SLC25A21: variants seen among roughly 807,000 people sequenced by gnomAD.
SLC25A21 encodes mitochondrial 2-oxodicarboxylate carrier.
Under a neutral mutation model 43.8 loss-of-function variants are expected in SLC25A21, and 47 were observed. The ratio of observed to expected loss-of-function variants is 1.07; its 90% CI spans 0.85 to 1.37. The LOEUF is 1.37. Ranked by LOEUF, SLC25A21 falls within the 40% of genes most tolerant of loss-of-function variation. The pLI is 0.00. For missense variants in SLC25A21, 352 were observed against 350.2 expected, an observed-to-expected ratio of 1.00 and a Z score of -0.04; for synonymous variants, 131 against 121.3, an observed-to-expected ratio of 1.08 and a Z score of -0.52.
At chr14:37,153,199 G>A (rs891839406) in intron 1 of SLC25A21, among the ~76,000 whole-genome samples, 1 of 152,188 alleles carries the variant, frequency 6.6e-6, no homozygotes, top group Admixed American at 6.5e-5. Context: ...GCTCCAGGGA[G>A]GGAGCTCCCA....
chr14:37,017,633 AAACGCAGTATCTGCGAAGTGC>A (rs749371846), intron 1 of SLC25A21, among the ~76,000 whole-genome samples: 1 of 152,144 alleles, frequency 6.6e-6, no homozygotes, highest in Non-Finnish European at 1.5e-5. Flanking sequence ...ATTAGTAAAA[AAACGCAGTATCTGCGAAGTGC>A]AATAATAAAA....
chr14:37,030,888 A>G (rs1961196585), intron 1 of SLC25A21, among the ~76,000 whole-genome samples: 2 of 152,186 alleles, frequency 1.3e-5, no homozygotes, highest in East Asian at 3.9e-4. Context: ...CAGGTGGCCC[A>G]AGGAATCAAC....
At chr14:36,877,147 A>T (rs1890558430) in intron 1 of SLC25A21, among the ~76,000 whole-genome samples, 2 of 152,134 alleles carry the variant, frequency 1.3e-5, no homozygotes, top group South Asian at 4.1e-4. Context: ...GAATCAGTTT[A>T]CCAAAGCAAG....
chr14:36,889,368 T>C (rs1399252955), intron 1 of SLC25A21, among the ~76,000 whole-genome samples: 7 of 152,228 alleles, frequency 4.6e-5, no homozygotes, highest in Admixed American at 2.0e-4. Context: ...AATATTTGGA[T>C]ACCAAAGTAT....
At chr14:36,838,771 C>T (rs1379205397) in intron 2 of SLC25A21, among the ~76,000 whole-genome samples, 3 of 152,192 alleles carry the variant, frequency 2.0e-5, no homozygotes, top group Non-Finnish European at 4.4e-5. Flanking sequence ...TGATGCTTCC[C>T]TTTACAGTTA....
intron 7 of SLC25A21, among the ~76,000 whole-genome samples, chr14:36,707,351 T>C (rs1311804115): frequency 1.3e-5 from 2 of 152,208 alleles, no homozygotes; most frequent in African/African-American, 4.8e-5. Flanking sequence ...CAGCTTCTCA[T>C]TATTGCATCT....
chr14:37,037,199 G>A (rs1336740890), intron 1 of SLC25A21, among the ~76,000 whole-genome samples: 1 of 152,136 alleles, frequency 6.6e-6, no homozygotes, highest in East Asian at 1.9e-4. Flanking sequence ...ACTAAGAGAT[G>A]AGTCATTGTA....
chr14:37,092,548 G>T (rs1455763113), intron 1 of SLC25A21, among the ~76,000 whole-genome samples: 2 of 152,092 alleles, frequency 1.3e-5, no homozygotes, highest in Non-Finnish European at 2.9e-5. Flanking sequence ...CTAAGCCACA[G>T]GGATTTCTTT....
chr14:37,029,058 C>A (rs1276233428), intron 1 of SLC25A21, among the ~76,000 whole-genome samples: 2 of 152,128 alleles, frequency 1.3e-5, no homozygotes, highest in African/African-American at 2.4e-5. Context: ...CAATATGTTT[C>A]CACATTATGA....
intron 1 of SLC25A21, among the ~76,000 whole-genome samples, chr14:37,021,312 A>C (rs41512348): frequency 0.019 from 2,893 of 152,062 alleles, 77 homozygotes; most frequent in East Asian, 0.072. Context: ...CAAACCAAAC[A>C]AATGACAACC....
At chr14:36,835,903 G>A (rs1889192998) in intron 2 of SLC25A21, among the ~76,000 whole-genome samples, 1 of 152,082 alleles carries the variant, frequency 6.6e-6, no homozygotes, top group African/African-American at 2.4e-5. Flanking sequence ...ACTCACCATT[G>A]TCTTCCTTCA....
chr14:37,064,280 A>G (rs2138816210), intron 1 of SLC25A21, among the ~76,000 whole-genome samples: 1 of 152,214 alleles, frequency 6.6e-6, no homozygotes, highest in South Asian at 2.1e-4. Flanking sequence ...TGAGAGTCAG[A>G]CCATTGGCTT....
intron 1 of SLC25A21, among the ~76,000 whole-genome samples, chr14:37,025,694 C>A (rs8007409): frequency 0.05 from 7,556 of 152,110 alleles, 600 homozygotes; most frequent in African/African-American, 0.17. Flanking sequence ...CCTACTCACT[C>A]GTGTAGGGCA....
At position 36,680,026 on chromosome 14, in the gene SLC25A21, A is replaced by ATAAAG. The variant is rs1882143743; in HGVS notation, c.*627_*631dup. 6 of 867,858 alleles carry ATAAAG rather than the reference A, an allele frequency of 6.9e-6. No individual in the cohort carries two copies. Among genetic ancestry groups the ATAAAG allele is most frequent in the South Asian group, 1.1e-4 (2 of 18,490 alleles). The allele number at this position is 867,858 out of a possible 1,614,324, so 53.8% of individuals were successfully genotyped here. A position where few individuals can be genotyped will look rare whatever the true frequency, so the allele number is the denominator to read the frequency against. On this transcript the variant is annotated 3_prime_UTR_variant, in exon 10 of 10. Coordinates refer to ENST00000331299, the MANE Select transcript of SLC25A21 (RefSeq NM_030631.4). ...TTATTATCTTACAGCAATATGAGAT[A>ATAAAG]TAAAGTAGATGTAGGAAAATAGAGC...
chr14:36,773,293 A>AT (rs920252047), intron 3 of SLC25A21, among the ~76,000 whole-genome samples: 2 of 152,110 alleles, frequency 1.3e-5, no homozygotes, highest in Non-Finnish European at 2.9e-5. Context: ...CTCTGCTGTG[A>AT]TAAGGGCCTG....
chr14:36,978,717 GT>G lies in SLC25A21; in HGVS notation c.71-103714del, dbSNP rs1959939933. ...ATAATTACTTAACTTGGAGGATTTT[GT>G]TTTGCATATTGTATACCATTTAGAC... On this transcript the variant is annotated intron_variant, in intron 1 of 9. Transcript: ENST00000331299. Among the ~76,000 whole-genome samples, 3 of 152,162 alleles carry G rather than the reference GT, an allele frequency of 2.0e-5. No individual in the cohort carries two copies. In the South Asian group the frequency reaches 6.2e-4, roughly 31 times the overall value.
intron 3 of SLC25A21, 57 bp downstream of exon 3, chr14:36,813,861 T>G: frequency 1.6e-6 from 2 of 1,258,426 alleles, no homozygotes; most frequent in Non-Finnish European, 2.3e-6. Context: ...CCATTCGAAA[T>G]GAGAAAACAT....
chr14:36,790,043 G>A (rs978543728), intron 3 of SLC25A21, among the ~76,000 whole-genome samples: 12 of 146,822 alleles, frequency 8.2e-5, no homozygotes, highest in Non-Finnish European at 1.2e-4. Flanking sequence ...AAAGAGAAAG[G>A]TATGCATAAA....
intron 1 of SLC25A21, among the ~76,000 whole-genome samples, chr14:37,016,325 T>C (rs1386753304): frequency 6.6e-6 from 1 of 152,180 alleles, no homozygotes; most frequent in African/African-American, 2.4e-5. Context: ...CTTGTTTTTC[T>C]CAGATTTGTC....
Sources: gnomAD v4.1 joint callset for allele counts (sites outside exome capture counted in the v4.1 genomes callset) on GRCh38, gnomAD v4.1.1 for gene constraint, MANE v1.5 for transcripts, NCBI Gene and HGNC (gene_info 2026-07-23, HGNC 2026-07-21) for gene names.